The following GSG1L variants were observed in gnomAD, a reference collection of about 807,000 sequenced individuals.
GSG1L encodes the protein GSG1 like.
Under a neutral mutation model 42.1 loss-of-function variants are expected in GSG1L, and 24 were observed. That is an observed-to-expected ratio of 0.57 (90% CI 0.41 to 0.80). The LOEUF (loss-of-function observed/expected upper bound fraction) is 0.80. GSG1L is among the 30% of genes least tolerant of loss of function. The pLI, the probability that GSG1L is intolerant of heterozygous loss-of-function variation, is 0.00. For synonymous variants in GSG1L, 215 were observed against 203.5 expected (o/e 1.06, Z -0.48); for missense variants, 445 against 472.2 (o/e 0.94, Z 0.53).
chr16:27,839,993 C>T (rs1413029613), intron 4 of GSG1L, among the ~76,000 whole-genome samples: 2 of 152,086 alleles, frequency 1.3e-5, no homozygotes, highest in East Asian at 1.9e-4. Context: ...AAAGTGCCTC[C>T]CACTGTGCAC....
chr16:27,938,595 G>A (rs1197199327), intron 2 of GSG1L, among the ~76,000 whole-genome samples: 1 of 152,152 alleles, frequency 6.6e-6, no homozygotes, highest in Non-Finnish European at 1.5e-5. Context: ...TCAGAGCAGC[G>A]AAGGTCATCA....
intron 2 of GSG1L, among the ~76,000 whole-genome samples, chr16:27,937,429 A>C (rs1350274322): frequency 6.8e-6 from 1 of 147,254 alleles, no homozygotes; most frequent in African/African-American, 2.5e-5. Flanking sequence ...TTTAGTACAG[A>C]CAGGGTTTCA....
chr16:27,989,827 G>A (rs1567546955), intron 1 of GSG1L, among the ~76,000 whole-genome samples: 3 of 152,002 alleles, frequency 2.0e-5, no homozygotes, highest in Admixed American at 6.6e-5. Flanking sequence ...TTGTATAAAT[G>A]TGTTATTAAT....
At chr16:27,878,495 C>CT (rs2083914878) in intron 3 of GSG1L, among the ~76,000 whole-genome samples, 1 of 152,192 alleles carries the variant, frequency 6.6e-6, no homozygotes, top group African/African-American at 2.4e-5. Context: ...TGGTCCCGCC[C>CT]TTAACATGAG....
In GSG1L at chr16:28,032,951, T is replaced by C. The variant is rs116412377; in HGVS notation, c.349+30125A>G. 9.6e-3 allele frequency among the ~76,000 whole-genome samples: 1,465 copies of C among 152,302 alleles called. 26 individuals carry two copies. Among genetic ancestry groups the C allele is most frequent in the African/African-American group, 0.033 (1,383 of 41,568 alleles). ...CCAGTCCTCAATCAGAATGCACTTT[T>C]GTTAAATGTAAGCCACGTCCTGTCA... is the stretch of plus-strand genomic sequence containing the variant. On this transcript the variant is annotated intron_variant, in intron 1 of 6. Coordinates refer to ENST00000447459, the MANE Select transcript of GSG1L (RefSeq NM_001109763.2).
At chr16:27,820,428 G>A (rs752592627) in intron 5 of GSG1L, among the ~76,000 whole-genome samples, 19 of 152,088 alleles carry the variant, frequency 1.2e-4, no homozygotes, top group African/African-American at 3.6e-4. Context: ...GAGCTGCTTC[G>A]TGGAGTGAGG....
rs143501024 is a variant in GSG1L at position 27,879,836 on chromosome 16, A to T, written c.550+4650T>A. ...TTTATGTATTATTTTTATTGTATTT[A>T]TTGTTGTATTGTTATTTTTTAATTG... is the stretch of plus-strand genomic sequence containing the variant. On this transcript the variant is annotated intron_variant, in intron 3 of 6. Transcript: ENST00000447459. Among the ~76,000 whole-genome samples the T allele has an allele frequency of 4.6e-3, 683 of 148,848 alleles. 2 individuals carry two copies. Among genetic ancestry groups the T allele is most frequent in the Non-Finnish European group, 7.7e-3 (519 of 67,250 alleles).
chr16:27,879,617 A>C (rs2083927721), intron 3 of GSG1L, among the ~76,000 whole-genome samples: 1 of 152,134 alleles, frequency 6.6e-6, no homozygotes, highest in Admixed American at 6.5e-5. Flanking sequence ...CCTGTCTTTA[A>C]AAATAATAAT....
chr16:27,936,919 C>T (rs2084725137), intron 2 of GSG1L, among the ~76,000 whole-genome samples: 1 of 152,196 alleles, frequency 6.6e-6, no homozygotes, highest in African/African-American at 2.4e-5. Context: ...TGAGGCAGCC[C>T]ATGCATCCTC....
intron 5 of GSG1L, among the ~76,000 whole-genome samples, chr16:27,810,414 G>A (rs2083018252): frequency 6.6e-6 from 1 of 152,216 alleles, no homozygotes; most frequent in Admixed American, 6.5e-5. Context: ...AGGCTACGGT[G>A]AGCCATGATC....
intron 1 of GSG1L, among the ~76,000 whole-genome samples, chr16:28,034,893 C>T (rs1381114437): frequency 6.6e-6 from 1 of 152,216 alleles, no homozygotes; most frequent in African/African-American, 2.4e-5. Flanking sequence ...TTGAGAACCC[C>T]TATACTAGCA....
At chr16:27,933,894 C>T (rs2084684365) in intron 2 of GSG1L, among the ~76,000 whole-genome samples, 1 of 152,198 alleles carries the variant, frequency 6.6e-6, no homozygotes, top group Non-Finnish European at 1.5e-5. Context: ...ATTCAACCCT[C>T]GATCTGCTGG....
At chr16:27,942,090 A>T (rs1303402623) in intron 2 of GSG1L, among the ~76,000 whole-genome samples, 2 of 152,148 alleles carry the variant, frequency 1.3e-5, no homozygotes, top group Non-Finnish European at 2.9e-5. Flanking sequence ...AAAAATGGTT[A>T]AAATGGTAAA....
chr16:28,006,297 T>TTATTTATA (rs1259466101), intron 1 of GSG1L, among the ~76,000 whole-genome samples: 1 of 95,340 alleles, frequency 1.0e-5, no homozygotes, highest in Non-Finnish European at 2.2e-5. Context: ...TGATTGTATT[T>TTATTTATA]TATTTATTTA....
At chr16:27,797,541 G>GAAAA in intron 6 of GSG1L, among the ~76,000 whole-genome samples, 3 of 67,884 alleles carry the variant, frequency 4.4e-5, no homozygotes, top group African/African-American at 5.8e-5. Flanking sequence ...AAAAAAAAAG[G>GAAAA]GCCGGGCGCG....
intron 1 of GSG1L, among the ~76,000 whole-genome samples, chr16:28,007,502 G>T (rs557043921): frequency 1.1e-5 from 1 of 87,934 alleles, no homozygotes; most frequent in Non-Finnish European, 2.2e-5. Context: ...TTGGTTGGTT[G>T]GTTGGTTGGT....
chr16:27,809,043 C>T (rs989404481), intron 5 of GSG1L, among the ~76,000 whole-genome samples: 1 of 152,144 alleles, frequency 6.6e-6, no homozygotes, highest in African/African-American at 2.4e-5. Context: ...GAGTTCCACA[C>T]GGTCCTGTCC....
intron 1 of GSG1L, among the ~76,000 whole-genome samples, chr16:28,007,708 G>A (rs984925332): frequency 3.9e-5 from 6 of 151,906 alleles, no homozygotes; most frequent in Admixed American, 2.0e-4. Context: ...AGAGATGGGG[G>A]TCCTCCTATG....
intron 1 of GSG1L, among the ~76,000 whole-genome samples, chr16:27,980,903 A>AC (rs1204323539): frequency 6.8e-6 from 1 of 146,090 alleles, no homozygotes; most frequent in African/African-American, 2.6e-5. Flanking sequence ...CCAAAAAACA[A>AC]AAAAAAAAAA....
Sources: gnomAD v4.1 joint callset for allele counts (sites outside exome capture counted in the v4.1 genomes callset) on GRCh38, gnomAD v4.1.1 for gene constraint, MANE v1.5 for transcripts, NCBI Gene and HGNC (gene_info 2026-07-23, HGNC 2026-07-21) for gene names.